Variants in UGGT2 observed in about 807,000 individuals in gnomAD.
UGGT2 encodes the protein UDP-glucose glycoprotein glucosyltransferase 2.
In UGGT2, 180 loss-of-function variants were observed where a neutral mutation model predicts 192.1. The ratio of observed to expected loss-of-function variants is 0.94; its 90% confidence interval spans 0.83 to 1.06. The LOEUF is 1.06. Among genes scored for constraint, UGGT2 ranks in the 50% least tolerant of loss-of-function variants. The pLI is 0.00. For missense variants in UGGT2, 1,849 were observed against 1,795.7 expected, an observed-to-expected ratio of 1.03 and a Z score of -0.54; for synonymous variants, 580 against 591.0, an observed-to-expected ratio of 0.98 and a Z score of 0.27.
At chr13:95,903,937 AT>A (rs2048189638) in intron 20 of UGGT2, among the ~76,000 whole-genome samples, 1 of 152,094 alleles carries the variant, frequency 6.6e-6, no homozygotes, top group African/African-American at 2.4e-5. Flanking sequence ...CAGGGTTTTA[AT>A]TTTCTTTTCT....
At chr13:95,957,435 G>T (rs1027972337) in intron 12 of UGGT2, among the ~76,000 whole-genome samples, 7 of 152,180 alleles carry the variant, frequency 4.6e-5, no homozygotes, top group Non-Finnish European at 1.0e-4. Flanking sequence ...TGGGGTTTGG[G>T]GCCTGTGGTA....
chr13:95,925,518 G>A (rs985781918), intron 20 of UGGT2, among the ~76,000 whole-genome samples, 162 bp downstream of exon 20: 1 of 152,078 alleles, frequency 6.6e-6, no homozygotes, highest in Non-Finnish European at 1.5e-5. Flanking sequence ...TTCTTTTCCT[G>A]AGCAAAGTTA....
At chr13:95,985,792 C>T (rs551922662) in intron 9 of UGGT2, among the ~76,000 whole-genome samples, 28 of 152,204 alleles carry the variant, frequency 1.8e-4, no homozygotes, top group Admixed American at 1.3e-3. Flanking sequence ...AATGTATTTC[C>T]TATTGAAATG....
chr13:95,860,590 C>T lies in UGGT2; in HGVS notation c.3740+198G>A, dbSNP rs563132755. 8.1e-5 allele frequency among the ~76,000 whole-genome samples: 12 copies of T among 148,672 alleles called. No individual in the cohort carries two copies. In the East Asian group the frequency reaches 1.6e-3, roughly 19 times the overall value. On this transcript the variant is annotated intron_variant, in intron 32 of 38. Coordinates refer to ENST00000376747, the MANE Select transcript of UGGT2 (RefSeq NM_020121.4). ...AAATAAATATACACATATATATTTA[C>T]GTGTGTGTGTGTGTATGTATCTCCT...
intron 30 of UGGT2, among the ~76,000 whole-genome samples, chr13:95,865,363 G>C (rs919206763): frequency 6.6e-6 from 1 of 152,126 alleles, no homozygotes; most frequent in African/African-American, 2.4e-5. Context: ...AACTGAAGGC[G>C]GCCGAGCATG....
At chr13:96,016,063 G>A (rs184889596) in intron 4 of UGGT2, among the ~76,000 whole-genome samples, 15 of 152,290 alleles carry the variant, frequency 9.8e-5, no homozygotes, top group South Asian at 4.1e-4. Context: ...GACTTAAGAC[G>A]TTTGGTGGAA....
intron 21 of UGGT2, among the ~76,000 whole-genome samples, chr13:95,902,419 CTCTA>C (rs1341896019): frequency 6.6e-6 from 1 of 152,074 alleles, no homozygotes; most frequent in Non-Finnish European, 1.5e-5. Flanking sequence ...GGGACAGGGA[CTCTA>C]TCTGCTTGTT....
chr13:96,044,837 G>A (rs1044065683), intron 1 of UGGT2, among the ~76,000 whole-genome samples: 14 of 152,122 alleles, frequency 9.2e-5, no homozygotes, highest in South Asian at 2.1e-4. Context: ...AGTAAGCAGC[G>A]AGATTAAAAT....
intron 3 of UGGT2, 150 bp from the exon 4 acceptor site, chr13:96,023,302 G>A: frequency 1.6e-6 from 1 of 609,580 alleles, no homozygotes; most frequent in South Asian, 6.3e-5. Context: ...TACGTAGGTA[G>A]AATCTAAGAA....
chr13:95,884,356 A>G, intron 27 of UGGT2, 135 bp downstream of exon 27: 1 of 706,564 alleles, frequency 1.4e-6, no homozygotes, highest in South Asian at 6.2e-5. Context: ...GAAAGATTGG[A>G]TCAGGACCTA....
At chr13:95,885,093 T>C (rs148725806) in intron 26 of UGGT2, among the ~76,000 whole-genome samples, 42 of 152,306 alleles carry the variant, frequency 2.8e-4, no homozygotes, top group African/African-American at 9.9e-4. Flanking sequence ...AGGAAACAAA[T>C]GAAATTCAAG....
chr13:95,839,965 ATGTC>A (rs1345077803), intron 36 of UGGT2, among the ~76,000 whole-genome samples: 3 of 152,206 alleles, frequency 2.0e-5, no homozygotes. Context: ...AACACATACA[ATGTC>A]TATTTACATA....
At chr13:95,866,200 C>T (rs989233964) in intron 30 of UGGT2, among the ~76,000 whole-genome samples, 1 of 152,076 alleles carries the variant, frequency 6.6e-6, no homozygotes, top group African/African-American at 2.4e-5. Context: ...ACTCAGTTTC[C>T]AAAGTTCTAC....
intron 25 of UGGT2, among the ~76,000 whole-genome samples, chr13:95,888,748 A>T (rs2047718415): frequency 6.6e-6 from 1 of 152,194 alleles, no homozygotes; most frequent in Admixed American, 6.6e-5. Context: ...AGTAAGAAAT[A>T]AAGTATGCTA....
intron 8 of UGGT2, among the ~76,000 whole-genome samples, chr13:95,988,393 T>G (rs889441679): frequency 6.6e-6 from 1 of 152,098 alleles, no homozygotes. Flanking sequence ...GAGAATGAAT[T>G]TGAAACTACT....
intron 12 of UGGT2, among the ~76,000 whole-genome samples, chr13:95,951,875 T>C (rs1476862323): frequency 3.3e-5 from 5 of 151,938 alleles, no homozygotes; most frequent in Admixed American, 1.3e-4. Flanking sequence ...TTGGCCAACA[T>C]AGTGAAACCC....
intron 9 of UGGT2, among the ~76,000 whole-genome samples, chr13:95,984,304 ACT>A (rs2051222616): frequency 6.6e-6 from 1 of 151,832 alleles, no homozygotes; most frequent in African/African-American, 2.4e-5. Flanking sequence ...TACATCACTC[ACT>A]CTTTCAATTT....
intron 30 of UGGT2, 151 bp downstream of exon 30, chr13:95,867,188 C>T: frequency 1.0e-5 from 7 of 673,420 alleles, no homozygotes; most frequent in East Asian, 3.3e-5. Context: ...GAACTTAATC[C>T]TCTTCTTTTT....
intron 12 of UGGT2, among the ~76,000 whole-genome samples, chr13:95,964,041 A>C (rs2050487734): frequency 6.6e-6 from 1 of 152,128 alleles, no homozygotes; most frequent in African/African-American, 2.4e-5. Context: ...CCAAAGCCAA[A>C]ACTGGATGCA....
Sources: gnomAD v4.1 joint callset for allele counts (sites outside exome capture counted in the v4.1 genomes callset) on GRCh38, gnomAD v4.1.1 for gene constraint, MANE v1.5 for transcripts, NCBI Gene and HGNC (gene_info 2026-07-23, HGNC 2026-07-21) for gene names.